Variants in RANBP2 observed in about 807,000 individuals in gnomAD.
The protein encoded by RANBP2 is RAN binding protein 2, also known as E3 SUMO-protein ligase RanBP2.
RANBP2 carries 57 observed loss-of-function variants against 303.6 expected under a neutral mutation model. That is an observed-to-expected ratio of 0.19 (90% CI 0.15 to 0.23). The LOEUF (loss-of-function observed/expected upper bound fraction) is 0.23, where lower values mean the gene tolerates loss of function less well. RANBP2 is among the 10% of genes least tolerant of loss of function. RANBP2 has a pLI of 1.00. For synonymous variants in RANBP2, 1,167 were observed against 1,301.5 expected, an observed-to-expected ratio of 0.90 and a Z score of 2.23; for missense variants, 3,138 against 3,780.8, an observed-to-expected ratio of 0.83 and a Z score of 4.46.
At chr2:108,786,877 A>C, downstream of RANBP2, 1 of 1,574,256 alleles carries the variant, frequency 6.4e-7, no homozygotes, top group Non-Finnish European at 8.6e-7. Context: ...GGAGAGTCTC[A>C]AAAGCCGCTA....
At chr2:108,991,024 A>G in the RANBP2 span, among the ~76,000 whole-genome samples, 1 of 152,248 alleles carries the variant, frequency 6.6e-6, no homozygotes, top group Non-Finnish European at 1.5e-5. Flanking sequence ...TGGTGATTTA[A>G]AATTTACCAA....
chr2:109,007,200 A>C, the RANBP2 span, among the ~76,000 whole-genome samples: 1,022 of 152,358 alleles, frequency 6.7e-3, 13 homozygotes, highest in African/African-American at 0.023. Context: ...AGATTGGCAA[A>C]TATGTGTTTT....
the RANBP2 span, among the ~76,000 whole-genome samples, chr2:109,106,931 CTCCTTTT>C: frequency 6.9e-6 from 1 of 145,514 alleles, no homozygotes; most frequent in Non-Finnish European, 1.5e-5. Context: ...TGTGGGCCTT[CTCCTTTT>C]TTTTTTTTTT....
the RANBP2 span, among the ~76,000 whole-genome samples, chr2:108,837,647 A>G: frequency 6.6e-6 from 1 of 152,230 alleles, no homozygotes; most frequent in Admixed American, 6.5e-5. Flanking sequence ...CTGTGCTGCC[A>G]GTTACATAAA....
At chr2:109,666,063 A>T in the RANBP2 span, among the ~76,000 whole-genome samples, 1 of 152,042 alleles carries the variant, frequency 6.6e-6, no homozygotes, top group South Asian at 2.1e-4. Context: ...GTGAGCCAAG[A>T]TCATGCCATT....
At chr2:109,510,861 G>A in the RANBP2 span, among the ~76,000 whole-genome samples, 6 of 152,212 alleles carry the variant, frequency 3.9e-5, no homozygotes, top group South Asian at 2.1e-4. Context: ...AAGGTGGGAC[G>A]GGTGGCCGGA....
chr2:109,535,919 T>TGG, the RANBP2 span, among the ~76,000 whole-genome samples: 28 of 152,166 alleles, frequency 1.8e-4, no homozygotes, highest in Non-Finnish European at 4.4e-5. Flanking sequence ...CTTTTAAACC[T>TGG]GGCAGCTTCC....
At chr2:109,442,799 A>G in the RANBP2 span, among the ~76,000 whole-genome samples, 1 of 152,258 alleles carries the variant, frequency 6.6e-6, no homozygotes, top group African/African-American at 2.4e-5. Context: ...AAAAGAAACA[A>G]TACATGGGTC....
chr2:108,994,097 G>A, the RANBP2 span, among the ~76,000 whole-genome samples: 2 of 152,130 alleles, frequency 1.3e-5, no homozygotes, highest in African/African-American at 2.4e-5. Context: ...AATTTCAGGG[G>A]AGACACAGAC....
At chr2:109,756,367 GTAAA>G in the RANBP2 span, among the ~76,000 whole-genome samples, 7 of 78,396 alleles carry the variant, frequency 8.9e-5, 1 homozygote, top group Non-Finnish European at 1.4e-4. Context: ...CTAGATTTAA[GTAAA>G]TAAACAATGT....
In RANBP2 at chr2:108,762,270, A is replaced by G. The variant is rs945884996; in HGVS notation, c.2697+75A>G. 5 of 1,403,232 alleles carry G rather than the reference A, an allele frequency of 3.6e-6. 1 individual carries two copies. Among genetic ancestry groups the G allele is most frequent in the Admixed American group, 5.3e-5 (2 of 37,702 alleles). 86.9% of individuals were successfully genotyped at this position (1,403,232 alleles called of 1,614,324 possible). A position where few individuals can be genotyped will look rare whatever the true frequency, so the allele number is the denominator to read the frequency against. ...TTTAGGGTTCCTTCAAATAAATTCAAGAGAGCAGTTCACTATTAAAACTTT... is the reference window on the plus strand; with the variant it reads ...TTTAGGGTTCCTTCAAATAAATTCAGGAGAGCAGTTCACTATTAAAACTTT... On this transcript the variant is annotated intron_variant, in intron 19 of 28. Transcript: ENST00000283195.
At chr2:109,629,157 C>G in the RANBP2 span, among the ~76,000 whole-genome samples, 2 of 150,528 alleles carry the variant, frequency 1.3e-5, no homozygotes, top group African/African-American at 4.9e-5. Flanking sequence ...AGCTGAGATC[C>G]TGCCACTGCA....
chr2:109,288,911 G>T, the RANBP2 span, among the ~76,000 whole-genome samples: 1 of 152,206 alleles, frequency 6.6e-6, no homozygotes, highest in South Asian at 2.1e-4. Context: ...CAGAGCATAA[G>T]AGATTGCATC....
chr2:109,357,999 C>A, the RANBP2 span, among the ~76,000 whole-genome samples: 1 of 152,154 alleles, frequency 6.6e-6, no homozygotes, highest in Non-Finnish European at 1.5e-5. Flanking sequence ...CCATTATAGG[C>A]CCATACAAAG....
At chr2:109,532,044 C>T in the RANBP2 span, among the ~76,000 whole-genome samples, 95 of 152,356 alleles carry the variant, frequency 6.2e-4, no homozygotes, top group Middle Eastern at 3.4e-3. Context: ...CGGGACCCCA[C>T]GGCACCAGGC....
chr2:108,786,807 A>T (rs756114390), downstream of RANBP2: 24 of 1,577,578 alleles, frequency 1.5e-5, no homozygotes, highest in African/African-American at 3.0e-4. Flanking sequence ...GGAGACTGGT[A>T]CGGTTGCTGT....
At chr2:108,724,993 G>A (rs1365925) in intron 1 of RANBP2, among the ~76,000 whole-genome samples, 6 of 152,212 alleles carry the variant, frequency 3.9e-5, no homozygotes, top group Non-Finnish European at 8.8e-5. Flanking sequence ...GAACTGCATA[G>A]TGAAAAAGTA....
chr2:109,164,661 T>C, the RANBP2 span, among the ~76,000 whole-genome samples: 4 of 152,156 alleles, frequency 2.6e-5, no homozygotes, highest in African/African-American at 9.7e-5. Flanking sequence ...AAAGAGCACT[T>C]ACTTGTATCA....
the RANBP2 span, chr2:108,929,515 G>A: frequency 1.1e-6 from 1 of 926,140 alleles, no homozygotes. Context: ...TTCCTGAGTT[G>A]TCCTAACTGC....
Sources: gnomAD v4.1 joint callset for allele counts (sites outside exome capture counted in the v4.1 genomes callset) on GRCh38, gnomAD v4.1.1 for gene constraint, MANE v1.5 for transcripts, NCBI Gene and HGNC (gene_info 2026-07-23, HGNC 2026-07-21) for gene names.